Variants in UTP20 observed in about 807,000 individuals in gnomAD.
UTP20 encodes the protein small subunit processome component 20 homolog.
Under a neutral mutation model 329.5 loss-of-function variants are expected in UTP20, and 164 were observed. The ratio of observed to expected loss-of-function variants is 0.50; its 90% CI spans 0.44 to 0.57. The LOEUF (loss-of-function observed/expected upper bound fraction) is 0.57. Ranked by LOEUF, UTP20 falls within the 20% of genes least tolerant of loss-of-function variation. UTP20 has a pLI of 0.00. For synonymous variants in UTP20, 1,151 were observed against 1,159.3 expected (o/e 0.99, Z 0.14); for missense variants, 3,055 against 3,284.2 (o/e 0.93, Z 1.71).
intron 21 of UTP20, among the ~76,000 whole-genome samples, chr12:101,312,756 T>G (rs2137253645): frequency 6.6e-6 from 1 of 152,336 alleles, no homozygotes; most frequent in East Asian, 1.9e-4. Context: ...GAGTTCTTTA[T>G]ACATCTGTCA....
intron 24 of UTP20, 131 bp from the exon 25 acceptor site, chr12:101,321,373 T>A: frequency 2.3e-6 from 3 of 1,305,054 alleles, no homozygotes; most frequent in Non-Finnish European, 3.1e-6. Context: ...GGATTTTCCT[T>A]TATGGATATC....
At position 101,285,628 on chromosome 12, in the gene UTP20, A is replaced by C; in HGVS notation, c.185A>C (p.Glu62Ala). 6.2e-7 allele frequency: 1 copy of C among 1,613,870 alleles called. No individual in the cohort carries two copies. The highest frequency in any genetic ancestry group is 8.5e-7 in the Non-Finnish European group (1 of 1,179,840). The change falls in exon 3 of 62, where the codon GAA (glutamate) becomes GCA (alanine). Residue 62 changes from glutamate to alanine, a missense_variant. Transcript: ENST00000261637. Reference sequence around the variant, plus strand: ...AAATGGAGAGAATTAAACCTCACAGAACACTTCGGTATTTTCTATTTCGTT... The same window carrying C: ...AAATGGAGAGAATTAAACCTCACAGCACACTTCGGTATTTTCTATTTCGTT... ...LLKWRELNLTEHFGKFYKEVI... is the reference protein window; with the variant it reads ...LLKWRELNLTAHFGKFYKEVI...
chr12:101,341,178 G>A (rs762893839), intron 32 of UTP20, among the ~76,000 whole-genome samples: 15 of 151,744 alleles, frequency 9.9e-5, no homozygotes, highest in South Asian at 2.1e-4. Flanking sequence ...GGGTTTCACC[G>A]TGTTGGCCAG....
chr12:101,294,380 A>G (rs1872276324), intron 11 of UTP20, among the ~76,000 whole-genome samples: 1 of 152,114 alleles, frequency 6.6e-6, no homozygotes, highest in African/African-American at 2.4e-5. Flanking sequence ...TCTCATGTGT[A>G]GACTTCCTCC....
chr12:101,282,947 G>C (rs1871847601), intron 2 of UTP20, among the ~76,000 whole-genome samples: 1 of 152,224 alleles, frequency 6.6e-6, no homozygotes, highest in South Asian at 2.1e-4. Flanking sequence ...GGTTAAGGCT[G>C]AATGGTTGAG....
At chr12:101,297,969 C>T (rs1055343875) in intron 12 of UTP20, among the ~76,000 whole-genome samples, 8 of 152,294 alleles carry the variant, frequency 5.3e-5, no homozygotes, top group Non-Finnish European at 8.8e-5. Flanking sequence ...CCACCCCCAA[C>T]GGAGATATGG....
chr12:101,375,935 A>T (rs190876377), intron 56 of UTP20, among the ~76,000 whole-genome samples, 179 bp downstream of exon 56: 2 of 150,510 alleles, frequency 1.3e-5, no homozygotes, highest in Admixed American at 1.3e-4. Context: ...TTCCCTTCTG[A>T]AAAAAAAACG....
intron 19 of UTP20, 140 bp downstream of exon 19, chr12:101,309,979 C>A: frequency 3.0e-6 from 2 of 669,210 alleles, no homozygotes; most frequent in Non-Finnish European, 2.5e-6. Context: ...CTTTGTGAGA[C>A]AAGGTAAATT....
chr12:101,344,870 G>T, intron 36 of UTP20, 120 bp downstream of exon 36: 1 of 663,868 alleles, frequency 1.5e-6, no homozygotes, highest in Non-Finnish European at 2.4e-6. Flanking sequence ...AGAATACTTG[G>T]TTGAGTAAAT....
Position 101,381,219 on chromosome 12 carries a change from T to C in UTP20, c.7656+8T>C, listed in dbSNP as rs1479520505. On this transcript the variant is annotated splice_region_variant and intron_variant, in intron 58 of 61. Coordinates refer to ENST00000261637, the MANE Select transcript of UTP20 (RefSeq NM_014503.3). ...CAGTCTCTAGGAGAACAGGTAAGAA[T>C]TGTAGTTCTCCCAGTTTAAAAGAAG... 1.2e-6 allele frequency: 2 copies of C among 1,610,816 alleles called. No individual in the cohort carries two copies. The highest frequency in any genetic ancestry group is 1.6e-4 in the Middle Eastern group (1 of 6,080).
intron 2 of UTP20, among the ~76,000 whole-genome samples, chr12:101,282,237 AG>A (rs2137225265): frequency 6.6e-6 from 1 of 152,268 alleles, no homozygotes; most frequent in Admixed American, 6.5e-5. Flanking sequence ...GAGAACTCAT[AG>A]TAAAGGGAAC....
At chr12:101,351,158 A>C (rs1337787420) in intron 38 of UTP20, among the ~76,000 whole-genome samples, 3 of 148,638 alleles carry the variant, frequency 2.0e-5, no homozygotes, top group Non-Finnish European at 4.4e-5. Flanking sequence ...ACGCAGTCTC[A>C]CTCTGTCGCC....
chr12:101,327,393 C>G (rs1227793542), intron 26 of UTP20, 146 bp downstream of exon 26: 8 of 822,426 alleles, frequency 9.7e-6, no homozygotes, highest in Non-Finnish European at 1.4e-5. Context: ...TGAAGTGCAA[C>G]TCATTTTAAA....
intron 60 of UTP20, among the ~76,000 whole-genome samples, chr12:101,383,967 G>C (rs1647097257): frequency 6.6e-6 from 1 of 151,808 alleles, no homozygotes; most frequent in African/African-American, 2.4e-5. Context: ...GCCTCCCAAA[G>C]TGTTGAGACT....
chr12:101,327,017 C>A, intron 25 of UTP20, 64 bp from the exon 26 acceptor site: 1 of 1,508,468 alleles, frequency 6.6e-7, no homozygotes, highest in South Asian at 1.3e-5. Context: ...GCCTTTTAGG[C>A]AAATAAAACA....
chr12:101,367,163 T>TA, intron 47 of UTP20, among the ~76,000 whole-genome samples: 1 of 152,100 alleles, frequency 6.6e-6, no homozygotes, highest in South Asian at 2.1e-4. Flanking sequence ...CACGTACCTG[T>TA]AGTCTTAGTT....
At position 101,310,699 on chromosome 12, in the gene UTP20, G is replaced by A. The variant is rs189054955; in HGVS notation, c.2231+860G>A. Among the ~76,000 whole-genome samples the A allele has an allele frequency of 9.9e-5, 15 of 151,166 alleles. No homozygotes were observed. The East Asian group carries it at 2.0e-3, about 20-fold the overall frequency. On this transcript the variant is annotated intron_variant, in intron 19 of 61. Transcript: ENST00000261637. ...CAGATTATCAGATTGGAAATATGTC[G>A]TGTGAGGCCTTTCAAAACCCCAACG...
Position 101,306,085 on chromosome 12 carries a change from G to A in UTP20, c.1932+20G>A, listed in dbSNP as rs915429019. On this transcript the variant is annotated intron_variant, in intron 16 of 61. Coordinates refer to ENST00000261637, the MANE Select transcript of UTP20 (RefSeq NM_014503.3). ...TCCAAGGTAATGGTGTTTTGTGGTA[G>A]TGTGTCCTCAGTCTCTCTTCTCCTG... 8 of 1,600,282 alleles carry A rather than the reference G, an allele frequency of 5.0e-6. No homozygotes were observed. The highest frequency in any genetic ancestry group is 2.3e-5 in the East Asian group (1 of 44,272).
intron 60 of UTP20, 37 bp downstream of exon 60, chr12:101,383,706 A>G (rs1193068057): frequency 2.1e-6 from 3 of 1,460,210 alleles, no homozygotes; most frequent in Non-Finnish European, 2.7e-6. Flanking sequence ...CCTTTTGCAC[A>G]TGAGGATTTC....
Sources: gnomAD v4.1 joint callset for allele counts (sites outside exome capture counted in the v4.1 genomes callset) on GRCh38, gnomAD v4.1.1 for gene constraint, MANE v1.5 for transcripts, NCBI Gene and HGNC (gene_info 2026-07-23, HGNC 2026-07-21) for gene names.